TRPC7: variants seen among roughly 807,000 people sequenced by gnomAD.
TRPC7 encodes the protein transient receptor potential cation channel subfamily C member 7.
In TRPC7, 42 loss-of-function variants were observed where a neutral mutation model predicts 90.1. That is an observed-to-expected ratio of 0.47 (90% CI 0.36 to 0.60). The LOEUF is 0.60. Ranked by LOEUF, TRPC7 falls within the 20% of genes least tolerant of loss-of-function variation. The pLI, the probability that TRPC7 is intolerant of heterozygous loss-of-function variation, is 0.00. For missense variants in TRPC7, 955 were observed against 1,112.3 expected, an observed-to-expected ratio of 0.86 and a Z score of 2.01; for synonymous variants, 451 against 436.3, an observed-to-expected ratio of 1.03 and a Z score of -0.42.
rs1278984190 is a variant in TRPC7 at position 136,213,326 on chromosome 5, C to T, written c.*109G>A. ...AGAGACTGAGCCAGGAGATCCCCTT[C>T]GTGTCCTAGAGGAGTGGGCTGGGGA... On this transcript the variant is annotated 3_prime_UTR_variant, in exon 12 of 12. Coordinates refer to ENST00000513104, the MANE Select transcript of TRPC7 (RefSeq NM_020389.3). 14 of 1,121,796 alleles carry T rather than the reference C, an allele frequency of 1.2e-5. No homozygotes were observed. The highest frequency in any genetic ancestry group is 1.8e-5 in the Non-Finnish European group (14 of 787,410). 69.5% of individuals were successfully genotyped at this position (1,121,796 alleles called of 1,614,324 possible).
At chr5:136,262,764 A>T (rs924243305) in intron 5 of TRPC7, among the ~76,000 whole-genome samples, 3 of 152,216 alleles carry the variant, frequency 2.0e-5, no homozygotes, top group Non-Finnish European at 2.9e-5. Context: ...CGGGACTGTG[A>T]TCCCTAAGTA....
At chr5:136,213,677 C>T in intron 11 of TRPC7, 73 bp from the exon 12 acceptor site, 1 of 1,512,844 alleles carries the variant, frequency 6.6e-7, no homozygotes, top group East Asian at 2.3e-5. Context: ...CACATGTGGG[C>T]ATGTGCATCC....
chr5:136,356,561 G>C lies in TRPC7; in HGVS notation c.780+47C>G, dbSNP rs1418006106. On this transcript the variant is annotated intron_variant, in intron 2 of 11. Transcript: ENST00000513104. ...CATTTCACACTGGACACACGTGGAAGAGCCCCCTGGGCAACCTGCCTGCAG... is the reference window on the plus strand; with the variant it reads ...CATTTCACACTGGACACACGTGGAACAGCCCCCTGGGCAACCTGCCTGCAG... 4 of 1,486,322 alleles carry C rather than the reference G, an allele frequency of 2.7e-6. No homozygotes were observed. In the Admixed American group the frequency reaches 7.3e-5, roughly 27 times the overall value. 92.1% of individuals were successfully genotyped at this position (1,486,322 alleles called of 1,614,324 possible). A position where few individuals can be genotyped will look rare whatever the true frequency, so the allele number is the denominator to read the frequency against.
chr5:136,234,107 C>G (rs1373855773), intron 7 of TRPC7, among the ~76,000 whole-genome samples: 1 of 152,120 alleles, frequency 6.6e-6, no homozygotes, highest in Non-Finnish European at 1.5e-5. Flanking sequence ...TCCAGACAAT[C>G]TTCAGTACTG....
At chr5:136,276,781 G>GGCTCACAATGAAGAGGA (rs1269543080) in intron 3 of TRPC7, among the ~76,000 whole-genome samples, 5 of 152,158 alleles carry the variant, frequency 3.3e-5, no homozygotes, top group African/African-American at 1.2e-4. Context: ...GGCCCTTTCT[G>GGCTCACAATGAAGAGGA]GCTCACAATG....
intron 3 of TRPC7, among the ~76,000 whole-genome samples, chr5:136,303,151 T>C (rs1758463885): frequency 6.6e-6 from 1 of 152,062 alleles, no homozygotes; most frequent in Non-Finnish European, 1.5e-5. Context: ...ATAGTCAAGG[T>C]TAATGCTCCT....
chr5:136,251,772 A>T lies in TRPC7; in HGVS notation c.1456T>A (p.Phe486Ile). ...AGGAAGGCCATGAAGCGTGCTGTGA[A>T]GGAGGCCACGAAGATGGACAGCATC... ...FGMLSIFVAS[F>I]TARFMAFLKA... The change falls in exon 6 of 12, where the codon TTC becomes ATC. Residue 486 changes from phenylalanine (F) to isoleucine (I), a missense_variant. Phe to Ile is a conservative substitution (Grantham distance 21). Transcript: ENST00000513104. 6.2e-7 allele frequency: 1 copy of T among 1,613,990 alleles called. No homozygotes were observed. The highest frequency in any genetic ancestry group is 8.5e-7 in the Non-Finnish European group (1 of 1,179,888).
intron 9 of TRPC7, 91 bp downstream of exon 9, chr5:136,225,943 G>A (rs1755613151): frequency 9.2e-7 from 1 of 1,087,870 alleles, no homozygotes; most frequent in South Asian, 1.5e-5. Flanking sequence ...GCATGGGGTG[G>A]GGGAGGGCAG....
chr5:136,359,401 C>T (rs1760491527), intron 1 of TRPC7, among the ~76,000 whole-genome samples: 1 of 152,224 alleles, frequency 6.6e-6, no homozygotes, highest in Admixed American at 6.5e-5. Context: ...TAATAGAGAG[C>T]TCTGTACACC....
chr5:136,330,862 ACAC>A (rs1247674151), intron 2 of TRPC7, among the ~76,000 whole-genome samples: 2 of 152,080 alleles, frequency 1.3e-5, no homozygotes, highest in Non-Finnish European at 2.9e-5. Context: ...CCACTCCACC[ACAC>A]CCTTTTTGGA....
At chr5:136,227,651 A>G (rs2149795654) in intron 8 of TRPC7, among the ~76,000 whole-genome samples, 1 of 152,296 alleles carries the variant, frequency 6.6e-6, no homozygotes, top group South Asian at 2.1e-4. Flanking sequence ...CTCGCTGTAC[A>G]AGAGAGTTGT....
intron 7 of TRPC7, 27 bp from the exon 8 acceptor site, chr5:136,231,576 C>T (rs188219421): frequency 2.6e-6 from 4 of 1,558,628 alleles, no homozygotes; most frequent in East Asian, 2.3e-5. Context: ...GGTCCTTTTA[C>T]GCAGTTTGCA....
chr5:136,344,914 G>A (rs756118453), intron 2 of TRPC7, among the ~76,000 whole-genome samples: 2 of 152,250 alleles, frequency 1.3e-5, no homozygotes, highest in South Asian at 2.1e-4. Context: ...AAGCACACAC[G>A]CAAAACAACC....
chr5:136,272,494 CT>C lies in TRPC7; in HGVS notation c.1128+2178del, dbSNP rs762123875. Among the ~76,000 whole-genome samples, 50 of 152,286 alleles carry C rather than the reference CT, an allele frequency of 3.3e-4. 2 individuals are homozygous for C. Among genetic ancestry groups the C allele is most frequent in the Non-Finnish European group, 1.5e-4 (10 of 68,018 alleles). ...GGCTGCCTCAGAGCAAGTTCAACAG[CT>C]CTTTAATGAGGGAATCTTTGCTTGT... On this transcript the variant is annotated intron_variant, in intron 4 of 11. Transcript: ENST00000513104.
At chr5:136,301,781 C>A (rs1490434611) in intron 3 of TRPC7, among the ~76,000 whole-genome samples, 1 of 152,340 alleles carries the variant, frequency 6.6e-6, no homozygotes, top group South Asian at 2.1e-4. Context: ...AATAAACAGC[C>A]ATGTTGTTCA....
intron 2 of TRPC7, among the ~76,000 whole-genome samples, chr5:136,347,220 C>T (rs1233871974): frequency 6.6e-6 from 1 of 152,268 alleles, no homozygotes; most frequent in Non-Finnish European, 1.5e-5. Flanking sequence ...TAAGTCACCA[C>T]GTTTGTGCTA....
intron 2 of TRPC7, among the ~76,000 whole-genome samples, chr5:136,327,239 G>T (rs1408561691): frequency 6.6e-6 from 1 of 152,212 alleles, no homozygotes; most frequent in African/African-American, 2.4e-5. Flanking sequence ...ACAACAATGA[G>T]AGATAATGGG....
chr5:136,259,887 T>C (rs1322637326), intron 5 of TRPC7, among the ~76,000 whole-genome samples: 7 of 152,252 alleles, frequency 4.6e-5, no homozygotes, highest in Non-Finnish European at 1.5e-5. Flanking sequence ...CTCCTGGAGT[T>C]TCTTTGCCTC....
At chr5:136,223,440 C>T (rs1018373268) in intron 10 of TRPC7, among the ~76,000 whole-genome samples, 3 of 151,832 alleles carry the variant, frequency 2.0e-5, no homozygotes, top group Non-Finnish European at 2.9e-5. Flanking sequence ...ATGGTGAAAC[C>T]CCATCTCTAC....
Sources: gnomAD v4.1 joint callset for allele counts (sites outside exome capture counted in the v4.1 genomes callset) on GRCh38, gnomAD v4.1.1 for gene constraint, MANE v1.5 for transcripts, NCBI Gene and HGNC (gene_info 2026-07-23, HGNC 2026-07-21) for gene names.